The following PRELID2 variants were observed in gnomAD, a reference collection of about 807,000 sequenced individuals.
PRELID2 encodes the protein PRELI domain containing 2.
PRELID2 carries 25 observed loss-of-function variants against 28.4 expected under a neutral mutation model. The ratio of observed to expected loss-of-function variants is 0.88; its 90% CI spans 0.64 to 1.23. The LOEUF (loss-of-function observed/expected upper bound fraction) is 1.23, where lower values mean the gene tolerates loss of function less well. PRELID2 is among the 50% of genes most tolerant of loss of function. The probability of loss-of-function intolerance (pLI) is 0.00; values close to 1 mark genes in which losing one functional copy is unlikely to be tolerated. For missense variants in PRELID2, 201 were observed against 214.4 expected, an observed-to-expected ratio of 0.94 and a Z score of 0.39; for synonymous variants, 76 against 71.6, an observed-to-expected ratio of 1.06 and a Z score of -0.31.
At chr5:145,752,040 T>C (rs1273899016), downstream of PRELID2, among the ~76,000 whole-genome samples, 1 of 152,130 alleles carries the variant, frequency 6.6e-6, no homozygotes, top group East Asian at 1.9e-4. Context: ...CTCACAGAGA[T>C]GACTGCAGAT....
At chr5:145,470,284 T>A (rs1752042073), downstream of PRELID2, among the ~76,000 whole-genome samples, 1 of 152,118 alleles carries the variant, frequency 6.6e-6, no homozygotes, top group African/African-American at 2.4e-5. Flanking sequence ...AATAAGACTT[T>A]CTCTACAAAA....
At chr5:145,397,272 G>A in the PRELID2 span, among the ~76,000 whole-genome samples, 1 of 152,080 alleles carries the variant, frequency 6.6e-6, no homozygotes, top group Admixed American at 6.6e-5. Flanking sequence ...TAGAATTAGG[G>A]ATATCAGTAA....
At chr5:145,580,361 C>A (rs967165073) in intron 1 of PRELID2, among the ~76,000 whole-genome samples, 2 of 152,194 alleles carry the variant, frequency 1.3e-5, no homozygotes. Flanking sequence ...GAGAAACTCA[C>A]TTCAGTGTTC....
chr5:145,239,375 T>C, the PRELID2 span, among the ~76,000 whole-genome samples: 8,599 of 151,980 alleles, frequency 0.057, 437 homozygotes, highest in African/African-American at 0.14. Context: ...TAGTCTCTGG[T>C]CTCAAGGATA....
At chr5:145,231,698 A>G in the PRELID2 span, among the ~76,000 whole-genome samples, 3 of 151,578 alleles carry the variant, frequency 2.0e-5, no homozygotes, top group Admixed American at 2.0e-4. Context: ...CAACTTTACC[A>G]TCTTCTTCTC....
the PRELID2 span, among the ~76,000 whole-genome samples, chr5:145,395,514 C>A: frequency 6.6e-6 from 1 of 152,062 alleles, no homozygotes; most frequent in South Asian, 2.1e-4. Flanking sequence ...GAGAACAAGC[C>A]GGGAGTAGTG....
chr5:145,478,912 G>A (rs142156732), intron 1 of PRELID2, among the ~76,000 whole-genome samples: 1 of 152,258 alleles, frequency 6.6e-6, no homozygotes, highest in African/African-American at 2.4e-5. Flanking sequence ...GCCAAAAACT[G>A]CAAGTTGTAT....
intron 1 of PRELID2, among the ~76,000 whole-genome samples, chr5:145,660,331 C>A (rs75359069): frequency 0.017 from 2,536 of 152,248 alleles, 28 homozygotes; most frequent in Non-Finnish European, 0.027. Flanking sequence ...CCCTTTCTAG[C>A]TCGATGCTCC....
At chr5:145,643,521 T>C (rs934258505) in intron 1 of PRELID2, among the ~76,000 whole-genome samples, 7 of 152,226 alleles carry the variant, frequency 4.6e-5, no homozygotes, top group African/African-American at 1.4e-4. Context: ...TCTTGCCTGA[T>C]TGCCCTGGCC....
At chr5:145,417,836 T>C in the PRELID2 span, among the ~76,000 whole-genome samples, 1 of 152,078 alleles carries the variant, frequency 6.6e-6, no homozygotes. Context: ...AAAACCAGCA[T>C]AAGGCAAGGA....
chr5:145,812,169 G>C (rs575610079), intron 4 of PRELID2, among the ~76,000 whole-genome samples: 45 of 152,228 alleles, frequency 3.0e-4, no homozygotes, highest in African/African-American at 1.1e-3. Context: ...CTAGGAGACA[G>C]GTTCCCTCCT....
At chr5:145,726,630 T>C (rs1012192791) in intron 1 of PRELID2, among the ~76,000 whole-genome samples, 3 of 152,072 alleles carry the variant, frequency 2.0e-5, no homozygotes, top group Admixed American at 6.6e-5. Context: ...GAAGTTGGAG[T>C]CCACCAAGGT....
rs144037022 is a variant in PRELID2, at chr5:145,689,924, T to C, written n.70+75007A>G. On this transcript the variant is annotated intron_variant and non_coding_transcript_variant, in intron 1 of 2. Coordinates refer to the PRELID2 transcript ENST00000510259. ...CCAGCTTTTCTAAACAATGGCTCTT[T>C]GGTAATCCTGGAATACTTTTAAGTG... Among the ~76,000 whole-genome samples, 671 of 152,168 alleles carry C rather than the reference T, an allele frequency of 4.4e-3. 25 individuals are homozygous for C. Among genetic ancestry groups the C allele is most frequent in the Admixed American group, 0.037 (562 of 15,270 alleles).
chr5:145,352,072 G>A, the PRELID2 span, among the ~76,000 whole-genome samples: 3 of 152,142 alleles, frequency 2.0e-5, no homozygotes, highest in African/African-American at 7.2e-5. Flanking sequence ...CCAGGTACAT[G>A]GTGTAAGCCG....
At chr5:145,283,798 G>T in the PRELID2 span, among the ~76,000 whole-genome samples, 8 of 152,140 alleles carry the variant, frequency 5.3e-5, no homozygotes, top group Non-Finnish European at 1.0e-4. Flanking sequence ...CCATTAGCTG[G>T]TGTTGTATTA....
chr5:145,480,546 T>C (rs1224569332), intron 1 of PRELID2, among the ~76,000 whole-genome samples: 1 of 152,010 alleles, frequency 6.6e-6, no homozygotes, highest in South Asian at 2.1e-4. Context: ...TACAGTTAAA[T>C]TACATTTACC....
At chr5:145,418,676 C>G in the PRELID2 span, among the ~76,000 whole-genome samples, 1 of 152,162 alleles carries the variant, frequency 6.6e-6, no homozygotes, top group Non-Finnish European at 1.5e-5. Context: ...GCTGGGAGAA[C>G]TGGTTAGCCA....
chr5:145,344,802 G>A, the PRELID2 span, among the ~76,000 whole-genome samples: 1 of 151,902 alleles, frequency 6.6e-6, no homozygotes, highest in Admixed American at 6.6e-5. Context: ...TATTTAATAT[G>A]TTTTCATATT....
chr5:145,650,523 C>CATATATACATATATATATAT (rs1213005263), intron 1 of PRELID2, among the ~76,000 whole-genome samples: 1 of 91,742 alleles, frequency 1.1e-5, no homozygotes, highest in Non-Finnish European at 2.1e-5. Flanking sequence ...TCGAATCGCA[C>CATATATACATATATATATAT]ATATATACAT....
Sources: gnomAD v4.1 joint callset for allele counts (sites outside exome capture counted in the v4.1 genomes callset) on GRCh38, gnomAD v4.1.1 for gene constraint, MANE v1.5 for transcripts, NCBI Gene and HGNC (gene_info 2026-07-23, HGNC 2026-07-21) for gene names.